Variants in QKI observed in about 807,000 individuals in gnomAD.
The protein encoded by QKI is KH domain-containing RNA-binding protein QKI.
A neutral mutation model predicts 39.0 loss-of-function variants in QKI; 10 were observed. The ratio of observed to expected loss-of-function variants is 0.26; its 90% CI spans 0.16 to 0.43. The LOEUF (loss-of-function observed/expected upper bound fraction) is 0.43, where lower values mean the gene tolerates loss of function less well. Among genes scored for constraint, QKI ranks in the 20% least tolerant of loss-of-function variants. QKI has a pLI of 1.00. For synonymous variants in QKI, 204 were observed against 155.4 expected (o/e 1.31, Z -2.33); for missense variants, 218 against 428.0 (o/e 0.51, Z 4.33).
chr6:163,564,384 G>A (rs1783224470), intron 6 of QKI: 1 of 1,238,510 alleles, frequency 8.1e-7, no homozygotes, highest in African/African-American at 1.5e-5. Context: ...GGACCACATA[G>A]TATAAGTGGT....
In QKI at chr6:163,570,819, G is replaced by C. The variant is rs1372265022; in HGVS notation, c.*109G>C. 5 of 1,407,266 alleles carry C rather than the reference G, an allele frequency of 3.6e-6. No individual in the cohort carries two copies. Among genetic ancestry groups the C allele is most frequent in the Non-Finnish European group, 4.8e-6 (5 of 1,032,990 alleles). 87.2% of individuals were successfully genotyped at this position (1,407,266 alleles called of 1,614,324 possible). On this transcript the variant is annotated 3_prime_UTR_variant, in exon 8 of 8. Coordinates refer to ENST00000361752, the MANE Select transcript of QKI (RefSeq NM_006775.3). ...TTTGCTTGCCTGTCGTCAGTGCAGC[G>C]AGCTGAGGCACTTGTCCGTTCGTCT...
chr6:163,418,352 G>A (rs920146361), intron 1 of QKI, among the ~76,000 whole-genome samples: 8 of 152,134 alleles, frequency 5.3e-5, no homozygotes, highest in African/African-American at 1.9e-4. Flanking sequence ...TGAGGATTAA[G>A]TGTGCTGGTT....
intron 2 of QKI, among the ~76,000 whole-genome samples, chr6:163,460,101 G>C (rs183304733): frequency 1.3e-3 from 202 of 152,318 alleles, no homozygotes; most frequent in Non-Finnish European, 2.5e-3. Context: ...ATATTGGCAA[G>C]GTCTAGCTGT....
intron 3 of QKI, among the ~76,000 whole-genome samples, chr6:163,529,845 C>T (rs140441996): frequency 2.4e-4 from 36 of 152,298 alleles, no homozygotes; most frequent in Middle Eastern, 3.4e-3. Flanking sequence ...AAAATTCATT[C>T]AGGATGAGTA....
intron 1 of QKI, among the ~76,000 whole-genome samples, chr6:163,432,580 G>T (rs1374942249): frequency 6.6e-6 from 1 of 151,144 alleles, no homozygotes; most frequent in Non-Finnish European, 1.5e-5. Flanking sequence ...TTTTTTTTTT[G>T]GTAAGAGACA....
At chr6:163,530,659 TTG>T (rs1780791945) in intron 3 of QKI, among the ~76,000 whole-genome samples, 1 of 152,184 alleles carries the variant, frequency 6.6e-6, no homozygotes, top group Non-Finnish European at 1.5e-5. Context: ...AAGCCTTTTT[TTG>T]TGTGACATTT....
chr6:163,578,365 T>C lies in QKI; in HGVS notation c.*7655T>C, dbSNP rs1026233747. 6.6e-6 allele frequency: 1 copy of C among 152,224 alleles called. No homozygotes were observed. Among genetic ancestry groups the C allele is most frequent in the South Asian group, 2.1e-4 (1 of 4,834 alleles). The allele number at this position is 152,224 out of a possible 1,614,324, so 9.4% of individuals were successfully genotyped here. A position where few individuals can be genotyped will look rare whatever the true frequency, so the allele number is the denominator to read the frequency against. ...CTCCTTTACCTTAGAACTGTCAAGC[T>C]TGGGAATGAGGAAAGTGCCTTGGCT... On this transcript the variant is annotated 3_prime_UTR_variant, in exon 8 of 8. Coordinates refer to ENST00000361752, the MANE Select transcript of QKI (RefSeq NM_006775.3).
In QKI at chr6:163,558,986, C is replaced by T. The variant is rs141774055; in HGVS notation, c.547-2996C>T. Among the ~76,000 whole-genome samples the T allele has an allele frequency of 1.3e-4, 20 of 152,308 alleles. 1 individual carries two copies. Among genetic ancestry groups the T allele is most frequent in the African/African-American group, 4.3e-4 (18 of 41,570 alleles). On this transcript the variant is annotated intron_variant, in intron 4 of 7. Coordinates refer to ENST00000361752, the MANE Select transcript of QKI (RefSeq NM_006775.3). ...CTTATTTTTATTCTCTTAGGGTGATCTCTCCTGTTTTCATTATCCTGCACC... is the reference window on the plus strand; with the variant it reads ...CTTATTTTTATTCTCTTAGGGTGATTTCTCCTGTTTTCATTATCCTGCACC...
chr6:163,569,141 T>G, intron 7 of QKI: 1 of 940,302 alleles, frequency 1.1e-6, no homozygotes, highest in Non-Finnish European at 1.3e-6. Flanking sequence ...CTACATCATG[T>G]TAAATATTTA....
At chr6:163,564,161 CAT>C in intron 6 of QKI, 1 of 1,021,936 alleles carries the variant, frequency 9.8e-7, no homozygotes, top group Non-Finnish European at 1.2e-6. Flanking sequence ...TTATAAAATT[CAT>C]ATTATTGTGT....
At chr6:163,567,584 TTA>T in intron 7 of QKI, 1 of 983,380 alleles carries the variant, frequency 1.0e-6, no homozygotes, top group African/African-American at 1.7e-5. Context: ...TTTACAACTT[TTA>T]TAATTTGTGT....
chr6:163,419,257 T>C (rs1047829453), intron 1 of QKI, among the ~76,000 whole-genome samples: 1 of 152,158 alleles, frequency 6.6e-6, no homozygotes, highest in African/African-American at 2.4e-5. Context: ...TTATTTTCAC[T>C]TCTTCTGCCT....
At chr6:163,534,701 A>T (rs1781085456) in intron 3 of QKI, among the ~76,000 whole-genome samples, 2 of 152,232 alleles carry the variant, frequency 1.3e-5, no homozygotes, top group Admixed American at 1.3e-4. Flanking sequence ...GTATGCTTCT[A>T]GTGCATAGGA....
chr6:163,568,714 A>C (rs1783522589), intron 7 of QKI: 1 of 985,534 alleles, frequency 1.0e-6, no homozygotes, highest in African/African-American at 1.7e-5. Context: ...TTGGACATAT[A>C]ACCATGTAAT....
intron 3 of QKI, among the ~76,000 whole-genome samples, chr6:163,521,435 T>C (rs1780149242): frequency 6.6e-6 from 1 of 152,210 alleles, no homozygotes; most frequent in East Asian, 1.9e-4. Flanking sequence ...TCGCTCTTAT[T>C]ACTCTAATCT....
intron 7 of QKI, chr6:163,568,296 T>G: frequency 1.0e-5 from 10 of 985,156 alleles, no homozygotes; most frequent in Non-Finnish European, 1.2e-5. Flanking sequence ...TTTAGGAGAT[T>G]TCTCACCATT....
intron 1 of QKI, among the ~76,000 whole-genome samples, chr6:163,449,500 A>T (rs1361673299): frequency 6.6e-6 from 1 of 152,244 alleles, no homozygotes; most frequent in Admixed American, 6.5e-5. Context: ...AAGTTGAGCA[A>T]TTGAATCAGC....
intron 1 of QKI, among the ~76,000 whole-genome samples, chr6:163,444,939 C>A (rs1278156133): frequency 6.6e-6 from 1 of 151,834 alleles, no homozygotes; most frequent in South Asian, 2.1e-4. Flanking sequence ...GAGACAGGGT[C>A]CTGCTCTGTC....
chr6:163,542,834 A>T (rs1051941404), intron 4 of QKI, among the ~76,000 whole-genome samples: 23 of 151,680 alleles, frequency 1.5e-4, no homozygotes, highest in African/African-American at 5.6e-4. Flanking sequence ...CTAATACATG[A>T]CGACAAATTT....
Sources: allele counts gnomAD v4.1 joint callset (sites outside exome capture counted in the v4.1 genomes callset), GRCh38; gene constraint gnomAD v4.1.1; transcripts MANE v1.5; gene names NCBI Gene and HGNC (gene_info 2026-07-23, HGNC 2026-07-21).